The following UGGT2 variants were observed in gnomAD, a reference collection of about 807,000 sequenced individuals.
The protein encoded by UGGT2 is UDP-glucose glycoprotein glucosyltransferase 2.
In UGGT2, 180 loss-of-function variants were observed where a neutral mutation model predicts 192.1. That is an observed-to-expected ratio of 0.94 (90% CI 0.83 to 1.06). The LOEUF is 1.06. Ranked by LOEUF, UGGT2 falls within the 50% of genes least tolerant of loss-of-function variation. UGGT2 has a pLI of 0.00. For missense variants in UGGT2, 1,849 were observed against 1,795.7 expected (o/e 1.03, Z -0.54); for synonymous variants, 580 against 591.0 (o/e 0.98, Z 0.27).
At chr13:95,936,095 T>C (rs2140505140) in intron 17 of UGGT2, among the ~76,000 whole-genome samples, 1 of 152,318 alleles carries the variant, frequency 6.6e-6, no homozygotes, top group East Asian at 1.9e-4. Context: ...CCCAAAGAGG[T>C]GGGATTACAG....
At position 95,854,420 on chromosome 13, in the gene UGGT2, T is replaced by C. The variant is rs139312678; in HGVS notation, c.4064A>G (p.Tyr1355Cys). ...LRDFDLDGAP[Y>C]GYTPFCDSRR... ...GCTATCACAAAATGGAGTATACCCA[T>C]AAGGAGCTCCATCCAGATCGAAATC... Residue 1355 changes from tyrosine to cysteine, a missense_variant, in exon 35 of 39, where the codon TAT (tyrosine) becomes TGT (cysteine). Tyr to Cys is a radical substitution (Grantham distance 194). Transcript: ENST00000376747. The C allele has an allele frequency of 7.4e-6, 12 of 1,613,610 alleles. No homozygotes were observed. The highest frequency in any genetic ancestry group is 1.0e-5 in the Non-Finnish European group (12 of 1,179,790).
At chr13:95,931,550 TGGGGTG>T (rs1300518309) in intron 17 of UGGT2, among the ~76,000 whole-genome samples, 74 of 44,448 alleles carry the variant, frequency 1.7e-3, no homozygotes, top group Non-Finnish European at 8.6e-4. Flanking sequence ...CAGGGTGGGG[TGGGGTG>T]GGGGTGGGGG....
At chr13:95,976,336 T>C (rs1046031158) in intron 10 of UGGT2, among the ~76,000 whole-genome samples, 2 of 152,220 alleles carry the variant, frequency 1.3e-5, no homozygotes, top group African/African-American at 4.8e-5. Context: ...GACACCTAGC[T>C]TGAATCCATA....
chr13:95,802,461 A>T (rs1884103683), intron 38 of UGGT2, among the ~76,000 whole-genome samples: 1 of 152,218 alleles, frequency 6.6e-6, no homozygotes, highest in African/African-American at 2.4e-5. Flanking sequence ...TCTTCACTAA[A>T]TTCTACTGGA....
intron 17 of UGGT2, among the ~76,000 whole-genome samples, chr13:95,933,083 C>T (rs1266775105): frequency 6.6e-6 from 1 of 152,126 alleles, no homozygotes; most frequent in Non-Finnish European, 1.5e-5. Flanking sequence ...CAGGATAACA[C>T]AGGTTTTGCA....
chr13:95,821,551 T>C lies in UGGT2; in HGVS notation c.4528+11376A>G, dbSNP rs1456293324. 2.6e-5 allele frequency among the ~76,000 whole-genome samples: 4 copies of C among 152,196 alleles called. No homozygotes were observed. In the East Asian group the frequency reaches 7.7e-4, roughly 29 times the overall value. ...GGTTGTAGGTTTAGTCTGATGATTA[T>C]TTCTTTTGCCATGCAGAAGCTTTTT... On this transcript the variant is annotated intron_variant, in intron 38 of 38. Transcript: ENST00000376747.
chr13:95,959,091 G>C (rs1376253474), intron 12 of UGGT2, among the ~76,000 whole-genome samples: 1 of 152,128 alleles, frequency 6.6e-6, no homozygotes, highest in East Asian at 1.9e-4. Flanking sequence ...CCTGCCCTGG[G>C]GCCTAACAGC....
Position 95,828,202 on chromosome 13 carries a change from C to T in UGGT2, c.4528+4725G>A, listed in dbSNP as rs144169494. 4.1e-4 allele frequency among the ~76,000 whole-genome samples: 63 copies of T among 152,084 alleles called. 1 individual carries two copies. Among genetic ancestry groups the T allele is most frequent in the African/African-American group, 1.4e-3 (58 of 41,484 alleles). ...AGAGGGAAATTTATAGCACTAAATG[C>T]CCACAAGAGAAAGCAGGAAAGATCT... On this transcript the variant is annotated intron_variant, in intron 38 of 38. Coordinates refer to ENST00000376747, the MANE Select transcript of UGGT2 (RefSeq NM_020121.4).
Position 95,801,793 on chromosome 13 carries a change from G to A in UGGT2, c.4548C>T (p.Leu1516=). The change falls in exon 39 of 39, where the codon CTC becomes CTT. Residue 1516 remains leucine (L), a synonymous_variant. Transcript: ENST00000376747. ...TTCCTTCTCATATACACCAGTGCTA[G>A]AGTTCATCATGTGTCAAAACTATAA... The part of the protein sequence containing the change: ...KQDTILTHDE[L] 1.2e-6 allele frequency: 2 copies of A among 1,613,808 alleles called. No individual in the cohort carries two copies. Among genetic ancestry groups the A allele is most frequent in the Non-Finnish European group, 1.7e-6 (2 of 1,179,846 alleles).
At chr13:95,971,657 T>C (rs1475015880) in intron 11 of UGGT2, among the ~76,000 whole-genome samples, 1 of 152,206 alleles carries the variant, frequency 6.6e-6, no homozygotes, top group Non-Finnish European at 1.5e-5. Flanking sequence ...TATATAATTT[T>C]TGTTCCCCTG....
At chr13:95,912,854 T>C (rs1191968956) in intron 20 of UGGT2, among the ~76,000 whole-genome samples, 3 of 152,136 alleles carry the variant, frequency 2.0e-5, no homozygotes, top group East Asian at 3.8e-4. Flanking sequence ...AAGGCTACAG[T>C]AACCAAAACA....
chr13:95,894,900 C>T (rs1387133529), intron 23 of UGGT2, among the ~76,000 whole-genome samples: 2 of 152,020 alleles, frequency 1.3e-5, no homozygotes, highest in Admixed American at 6.6e-5. Context: ...ACCATGCATA[C>T]AATCTATAGG....
chr13:95,827,118 C>A (rs1053241889), intron 38 of UGGT2, among the ~76,000 whole-genome samples: 2 of 152,062 alleles, frequency 1.3e-5, no homozygotes, highest in African/African-American at 4.8e-5. Flanking sequence ...TGTCAGGCAA[C>A]AATCCTCTAG....
At chr13:95,927,003 C>A in intron 19 of UGGT2, 25 bp downstream of exon 19, 2 of 1,561,350 alleles carry the variant, frequency 1.3e-6, no homozygotes, top group South Asian at 1.2e-5. Context: ...TTTAAGAATT[C>A]AGGTAAATAA....
intron 1 of UGGT2, among the ~76,000 whole-genome samples, chr13:96,043,641 C>G (rs2053226590): frequency 6.6e-6 from 1 of 152,016 alleles, no homozygotes; most frequent in African/African-American, 2.4e-5. Flanking sequence ...CCTAAGGACT[C>G]ACATAAACTT....
In UGGT2 at chr13:95,950,304, T is replaced by C. The variant is rs1023121790; in HGVS notation, c.1336-850A>G. 3.9e-5 allele frequency among the ~76,000 whole-genome samples: 6 copies of C among 152,098 alleles called. No homozygotes were observed. The East Asian group carries it at 7.7e-4, about 20-fold the overall frequency. On this transcript the variant is annotated intron_variant, in intron 12 of 38. Transcript: ENST00000376747. ...AGAGGTTGAAACCACAGCTATAAAA[T>C]AGTACTGAGAAGACAGAGACCAAAG...
intron 29 of UGGT2, among the ~76,000 whole-genome samples, chr13:95,873,526 T>C (rs1245924289): frequency 6.6e-6 from 1 of 152,140 alleles, no homozygotes; most frequent in African/African-American, 2.4e-5. Flanking sequence ...TGTCCTGCCT[T>C]CCCTTCAAAC....
chr13:95,814,403 C>T (rs1453750854), intron 38 of UGGT2, among the ~76,000 whole-genome samples: 6 of 152,280 alleles, frequency 3.9e-5, no homozygotes, highest in Admixed American at 2.0e-4. Flanking sequence ...GAGATTATTT[C>T]GGAGCTTTAT....
At chr13:95,901,431 T>C (rs2048101789) in intron 21 of UGGT2, among the ~76,000 whole-genome samples, 1 of 152,122 alleles carries the variant, frequency 6.6e-6, no homozygotes, top group South Asian at 2.1e-4. Context: ...AAAAAATATA[T>C]GGACATTCAC....
Sources: allele counts gnomAD v4.1 joint callset (sites outside exome capture counted in the v4.1 genomes callset), GRCh38; gene constraint gnomAD v4.1.1; transcripts MANE v1.5; gene names NCBI Gene and HGNC (gene_info 2026-07-23, HGNC 2026-07-21).